PTBP3: variants seen among roughly 807,000 people sequenced by gnomAD.
PTBP3 encodes polypyrimidine tract binding protein 3.
PTBP3 carries 20 observed loss-of-function variants against 58.7 expected under a neutral mutation model. The observed-to-expected ratio is 0.34, with a 90% CI of 0.24 to 0.50. PTBP3 has a LOEUF of 0.50. Ranked by LOEUF, PTBP3 falls within the 20% of genes least tolerant of loss-of-function variation. The probability of loss-of-function intolerance (pLI) is 0.98; values close to 1 mark genes in which losing one functional copy is unlikely to be tolerated. For missense variants in PTBP3, 509 were observed against 637.2 expected (o/e 0.80, Z 2.17); for synonymous variants, 185 against 219.8 (o/e 0.84, Z 1.40).
In PTBP3 at chr9:112,275,824, A is replaced by T; in HGVS notation, c.204+20T>A. 2 of 1,578,112 alleles carry T rather than the reference A, an allele frequency of 1.3e-6. No homozygotes were observed. Among genetic ancestry groups the T allele is most frequent in the South Asian group, 2.3e-5 (2 of 88,808 alleles). ...CATCTGGAGATAATCACTCTTTGTC[A>T]ATCTTTAAATATTACATACCTGGCT... On this transcript the variant is annotated intron_variant, in intron 3 of 13. Transcript: ENST00000374257.
In PTBP3 at chr9:112,223,762, G is replaced by C. The variant is rs967483801; in HGVS notation, c.*89C>G. The C allele has an allele frequency of 2.0e-5, 31 of 1,544,852 alleles. No individual in the cohort carries two copies. The highest frequency in any genetic ancestry group is 2.8e-5 in the African/African-American group (2 of 71,490). ...AACTCAGAGTTATTTTTGTGAAAGA[G>C]GCAAAATTGGTCTTGAGCTGCTTCA... is the stretch of plus-strand genomic sequence containing the variant. On this transcript the variant is annotated 3_prime_UTR_variant, in exon 14 of 14. Transcript: ENST00000374257.
At chr9:112,242,772 A>G (rs1835711082) in intron 7 of PTBP3, 1 of 152,164 alleles carries the variant, frequency 6.6e-6, no homozygotes, top group East Asian at 1.9e-4. Flanking sequence ...TATAGCCCAG[A>G]ACTCCTGGGC....
intron 3 of PTBP3, among the ~76,000 whole-genome samples, chr9:112,269,954 T>TC (rs1363820969): frequency 6.6e-6 from 1 of 151,638 alleles, no homozygotes; most frequent in Non-Finnish European, 1.5e-5. Flanking sequence ...TCTTCTTTTT[T>TC]TTTTTTTTGA....
At chr9:112,364,654 T>C in the PTBP3 span, among the ~76,000 whole-genome samples, 1 of 151,990 alleles carries the variant, frequency 6.6e-6, no homozygotes, top group African/African-American at 2.4e-5. Context: ...AATTAAGAAA[T>C]TTAAAAAAGA....
At chr9:112,256,872 T>A (rs1836390410) in intron 5 of PTBP3, among the ~76,000 whole-genome samples, 1 of 152,084 alleles carries the variant, frequency 6.6e-6, no homozygotes, top group Non-Finnish European at 1.5e-5. Flanking sequence ...ATTTTTTCTT[T>A]TTAAAAAAAT....
At chr9:112,270,783 G>A (rs1259994456) in intron 3 of PTBP3, among the ~76,000 whole-genome samples, 1 of 152,092 alleles carries the variant, frequency 6.6e-6, no homozygotes, top group Non-Finnish European at 1.5e-5. Flanking sequence ...AGACTCACAT[G>A]GCTTTAGTGT....
chr9:112,232,572 C>A (rs1307535387), intron 8 of PTBP3, among the ~76,000 whole-genome samples: 1 of 152,160 alleles, frequency 6.6e-6, no homozygotes, highest in Non-Finnish European at 1.5e-5. Context: ...TCCTAACACC[C>A]TTCTATCAAG....
chr9:112,347,058 A>T, the PTBP3 span, among the ~76,000 whole-genome samples: 34 of 152,326 alleles, frequency 2.2e-4, no homozygotes, highest in African/African-American at 8.2e-4. Context: ...AGATGTATAT[A>T]ACCTTGTGCA....
At chr9:112,229,375 C>T (rs746364749) in intron 10 of PTBP3, among the ~76,000 whole-genome samples, 11 of 151,940 alleles carry the variant, frequency 7.2e-5, no homozygotes, top group Admixed American at 1.3e-4. Flanking sequence ...ACCAGCCTGG[C>T]CAACATGGGG....
the PTBP3 span, among the ~76,000 whole-genome samples, chr9:112,345,886 G>A: frequency 7.3e-5 from 11 of 150,444 alleles, no homozygotes; most frequent in African/African-American, 2.0e-4. Flanking sequence ...ACAGAGTCTC[G>A]CTCTGTTGCC....
the PTBP3 span, among the ~76,000 whole-genome samples, chr9:112,361,220 C>T: frequency 6.6e-6 from 1 of 152,122 alleles, no homozygotes; most frequent in African/African-American, 2.4e-5. Flanking sequence ...CCTCAGCCTC[C>T]CAAGTAGCTG....
At chr9:112,373,794 A>T in the PTBP3 span, among the ~76,000 whole-genome samples, 2 of 152,282 alleles carry the variant, frequency 1.3e-5, no homozygotes, top group African/African-American at 4.8e-5. Context: ...TAAAATGAAG[A>T]TATTTTCTTA....
At chr9:112,256,356 AT>A (rs2132102700) in intron 5 of PTBP3, among the ~76,000 whole-genome samples, 1 of 149,250 alleles carries the variant, frequency 6.7e-6, no homozygotes, top group South Asian at 2.1e-4. Context: ...ATATTTATTT[AT>A]ATAACTGTCT....
the PTBP3 span, among the ~76,000 whole-genome samples, chr9:112,340,889 T>TAAATAAATA: frequency 2.7e-5 from 4 of 150,024 alleles, no homozygotes; most frequent in Admixed American, 2.0e-4. Context: ...AAAAAAAAAA[T>TAAATAAATA]AAATAAAATA....
At chr9:112,332,771 A>G (rs1377050063) in intron 1 of PTBP3, 7 of 1,612,384 alleles carry the variant, frequency 4.3e-6, no homozygotes, top group South Asian at 3.3e-5. Context: ...CTCGTACATC[A>G]TATTTTACAT....
At chr9:112,328,872 A>T (rs1423204533) in intron 1 of PTBP3, among the ~76,000 whole-genome samples, 1 of 152,210 alleles carries the variant, frequency 6.6e-6, no homozygotes, top group Non-Finnish European at 1.5e-5. Context: ...ACAAGAAGAG[A>T]TGATGAACAC....
chr9:112,297,707 A>C, intron 2 of PTBP3, 125 bp downstream of exon 2: 1 of 729,866 alleles, frequency 1.4e-6, no homozygotes, highest in Non-Finnish European at 2.1e-6. Context: ...TACTTTACCG[A>C]AACAAATTTT....
At chr9:112,374,525 A>T in the PTBP3 span, among the ~76,000 whole-genome samples, 1 of 152,318 alleles carries the variant, frequency 6.6e-6, no homozygotes, top group Admixed American at 6.5e-5. Flanking sequence ...ACTTTGCCCC[A>T]GCCCTGCAAA....
At chr9:112,256,310 T>TA (rs1195221699) in intron 5 of PTBP3, among the ~76,000 whole-genome samples, 2 of 139,858 alleles carry the variant, frequency 1.4e-5, no homozygotes, top group Admixed American at 7.3e-5. Flanking sequence ...TATATATATA[T>TA]TTATCTATCT....
Sources: allele counts gnomAD v4.1 joint callset (sites outside exome capture counted in the v4.1 genomes callset), GRCh38; gene constraint gnomAD v4.1.1; transcripts MANE v1.5; gene names NCBI Gene and HGNC (gene_info 2026-07-23, HGNC 2026-07-21).